The following SCAF11 variants were observed in gnomAD, a reference collection of about 807,000 sequenced individuals.
SCAF11 encodes the protein SR-related CTD associated factor 11.
SCAF11 carries 47 observed loss-of-function variants against 140.5 expected under a neutral mutation model. The observed-to-expected ratio is 0.33, with a 90% CI of 0.26 to 0.43. The LOEUF is 0.43. Among genes scored for constraint, SCAF11 ranks in the 20% least tolerant of loss-of-function variants. SCAF11 has a pLI of 1.00. For synonymous variants in SCAF11, 557 were observed against 579.4 expected, an observed-to-expected ratio of 0.96 and a Z score of 0.55; for missense variants, 1,645 against 1,705.1, an observed-to-expected ratio of 0.96 and a Z score of 0.62.
intron 4 of SCAF11, among the ~76,000 whole-genome samples, chr12:45,950,896 C>T (rs955227085): frequency 1.3e-5 from 2 of 152,100 alleles, no homozygotes; most frequent in Non-Finnish European, 2.9e-5. Flanking sequence ...CTCCTATTAA[C>T]GGCATCACTT....
chr12:45,934,496 A>G lies in SCAF11; in HGVS notation c.473T>C (p.Leu158Ser), dbSNP rs1945125896. The part of the protein sequence containing the change: ...CDLKWIHRNS[L>S]YSETGGKKNA... ...TTTCTTTCCTCCTGTTTCACTGTAT[A>G]AAGAGTTTCCTGTACAAAGACATAA... The change falls in exon 7 of 15, where the codon TTA becomes TCA. Residue 158 changes from leucine to serine, a missense_variant. By Grantham distance (145) the Leu-to-Ser change is moderately radical. Coordinates refer to ENST00000369367, the MANE Select transcript of SCAF11 (RefSeq NM_004719.3). 1 of 1,587,722 alleles carries G rather than the reference A, an allele frequency of 6.3e-7. No individual in the cohort carries two copies. The highest frequency in any genetic ancestry group is 8.5e-7 in the Non-Finnish European group (1 of 1,171,676).
At position 45,927,562 on chromosome 12, in the gene SCAF11, G is replaced by C; in HGVS notation, c.2139C>G (p.Asn713Lys). The change falls in exon 11 of 15, where the codon AAC (asparagine) becomes AAG (lysine). Residue 713 changes from asparagine (N) to lysine (K), a missense_variant. Coordinates refer to ENST00000369367, the MANE Select transcript of SCAF11 (RefSeq NM_004719.3). The part of the protein sequence containing the change: ...EQIQKHFSED[N>K]NEMIPMECDS... The stretch of plus-strand genomic sequence containing the variant: ...CACACTCCATAGGTATCATTTCATT[G>C]TTGTCCTCACTAAAATGCTTCTGAA... The C allele has an allele frequency of 6.2e-7, 1 of 1,613,146 alleles. No homozygotes were observed. The highest frequency in any genetic ancestry group is 8.5e-7 in the Non-Finnish European group (1 of 1,179,876).
chr12:45,977,233 A>G (rs1946255486), intron 1 of SCAF11, among the ~76,000 whole-genome samples: 1 of 152,168 alleles, frequency 6.6e-6, no homozygotes, highest in African/African-American at 2.4e-5. Context: ...AAACTATGGT[A>G]CATTCAATCA....
At position 45,959,137 on chromosome 12, in the gene SCAF11, G is replaced by A. The variant is rs375505922; in HGVS notation, c.219+2563C>T. Among the ~76,000 whole-genome samples, 3 of 152,052 alleles carry A rather than the reference G, an allele frequency of 2.0e-5. No individual in the cohort carries two copies. In the South Asian group the frequency reaches 6.2e-4, roughly 31 times the overall value. ...AGAAAGATGATCCTAACTGCAAATT[G>A]TACTGTTCTCTTATGCAGATTTCTC... On this transcript the variant is annotated intron_variant, in intron 3 of 14. Coordinates refer to ENST00000369367, the MANE Select transcript of SCAF11 (RefSeq NM_004719.3).
intron 1 of SCAF11, among the ~76,000 whole-genome samples, chr12:45,973,624 A>G (rs1387977534): frequency 6.6e-6 from 1 of 152,164 alleles, no homozygotes; most frequent in Non-Finnish European, 1.5e-5. Context: ...AGGGGGAGGG[A>G]GTTTAATGAT....
intron 6 of SCAF11, among the ~76,000 whole-genome samples, chr12:45,936,134 T>C (rs1162920217): frequency 6.6e-6 from 1 of 151,784 alleles, no homozygotes; most frequent in Non-Finnish European, 1.5e-5. Flanking sequence ...CTACTCTATG[T>C]GTGGTTTTTT....
intron 3 of SCAF11, among the ~76,000 whole-genome samples, chr12:45,953,290 C>T (rs1346066480): frequency 6.6e-6 from 1 of 152,192 alleles, no homozygotes; most frequent in African/African-American, 2.4e-5. Flanking sequence ...AACTTAACAT[C>T]ATAACCATTG....
intron 1 of SCAF11, among the ~76,000 whole-genome samples, chr12:45,989,963 C>G (rs1389054285): frequency 6.6e-6 from 1 of 151,196 alleles, no homozygotes; most frequent in Non-Finnish European, 1.5e-5. Context: ...GCGGTTCTGG[C>G]GTGGAGCCCC....
At chr12:45,967,987 C>T (rs1275813278) in intron 1 of SCAF11, among the ~76,000 whole-genome samples, 1 of 152,170 alleles carries the variant, frequency 6.6e-6, no homozygotes, top group African/African-American at 2.4e-5. Context: ...GAGTCATAGT[C>T]CTAGCCAGTA....
At chr12:45,976,173 A>T (rs777636903) in intron 1 of SCAF11, among the ~76,000 whole-genome samples, 41 of 152,190 alleles carry the variant, frequency 2.7e-4, no homozygotes, top group Non-Finnish European at 4.7e-4. Flanking sequence ...CATGGTGGTA[A>T]GACCTCTATT....
At chr12:45,966,071 T>C (rs1945939578) in intron 1 of SCAF11, among the ~76,000 whole-genome samples, 1 of 152,190 alleles carries the variant, frequency 6.6e-6, no homozygotes, top group Admixed American at 6.5e-5. Flanking sequence ...TTAGTTTTAG[T>C]TCTGGTGCAA....
intron 1 of SCAF11, among the ~76,000 whole-genome samples, chr12:45,972,859 T>G (rs1946110039): frequency 8.9e-6 from 1 of 112,140 alleles, no homozygotes; most frequent in Non-Finnish European, 1.8e-5. Flanking sequence ...TATATATATA[T>G]ATATCGATAT....
At chr12:45,958,753 C>T (rs759007617) in intron 3 of SCAF11, among the ~76,000 whole-genome samples, 6 of 152,116 alleles carry the variant, frequency 3.9e-5, no homozygotes, top group Admixed American at 6.5e-5. Context: ...AACATTTTGC[C>T]CTAAGTAAAG....
intron 1 of SCAF11, among the ~76,000 whole-genome samples, chr12:45,965,242 G>T (rs1490231181): frequency 6.6e-6 from 1 of 152,094 alleles, no homozygotes; most frequent in African/African-American, 2.4e-5. Flanking sequence ...AATGGAAGGA[G>T]ATTATAAGCA....
At chr12:45,980,240 G>A (rs539766397) in intron 1 of SCAF11, among the ~76,000 whole-genome samples, 2 of 152,140 alleles carry the variant, frequency 1.3e-5, no homozygotes, top group Admixed American at 1.3e-4. Flanking sequence ...CAAACAACAA[G>A]AAGTGGTAAC....
Position 45,934,492 on chromosome 12 carries a change from G to A in SCAF11, c.477C>T (p.Tyr159=), listed in dbSNP as rs766896826. 3.2e-6 allele frequency: 5 copies of A among 1,586,152 alleles called. No individual in the cohort carries two copies. In the South Asian group the frequency reaches 4.8e-5, roughly 15 times the overall value. Residue 159 remains tyrosine (Y), a synonymous_variant, in exon 7 of 15, where the codon TAC becomes TAT. Coordinates refer to ENST00000369367, the MANE Select transcript of SCAF11 (RefSeq NM_004719.3). ...CATTTTTCTTTCCTCCTGTTTCACT[G>A]TATAAAGAGTTTCCTGTACAAAGAC... ...DLKWIHRNSL[Y]SETGGKKNAA...
chr12:45,982,284 T>C (rs1383528442), intron 1 of SCAF11, among the ~76,000 whole-genome samples: 1 of 152,218 alleles, frequency 6.6e-6, no homozygotes, highest in Admixed American at 6.5e-5. Flanking sequence ...AGTTTTCAGG[T>C]GAGTGATAGC....
At chr12:45,932,780 A>C (rs1305986496) in intron 9 of SCAF11, among the ~76,000 whole-genome samples, 9 of 152,134 alleles carry the variant, frequency 5.9e-5, no homozygotes, top group African/African-American at 2.2e-4. Flanking sequence ...ATATGGTAAA[A>C]GCGTGATTCA....
intron 3 of SCAF11, among the ~76,000 whole-genome samples, chr12:45,957,349 C>G (rs1042155381): frequency 6.6e-6 from 1 of 152,078 alleles, no homozygotes; most frequent in Non-Finnish European, 1.5e-5. Context: ...AAAGAAACAC[C>G]TGTATATAAA....
Sources: allele counts gnomAD v4.1 joint callset (sites outside exome capture counted in the v4.1 genomes callset), GRCh38; gene constraint gnomAD v4.1.1; transcripts MANE v1.5; gene names NCBI Gene and HGNC (gene_info 2026-07-23, HGNC 2026-07-21).